Variants in ATP2B2 observed in about 807,000 individuals in gnomAD.
The protein encoded by ATP2B2 is plasma membrane calcium-transporting ATPase 2.
In ATP2B2, 15 loss-of-function variants were observed where a neutral mutation model predicts 120.0. The observed-to-expected ratio is 0.12, with a 90% CI of 0.08 to 0.19. The LOEUF is 0.19. ATP2B2 is among the 10% of genes least tolerant of loss of function. The probability of loss-of-function intolerance (pLI) is 1.00; values close to 1 mark genes in which losing one functional copy is unlikely to be tolerated. For missense variants in ATP2B2, 1,045 were observed against 1,719.8 expected (o/e 0.61, Z 6.94); for synonymous variants, 694 against 700.3 (o/e 0.99, Z 0.14).
intron 1 of ATP2B2, among the ~76,000 whole-genome samples, chr3:10,642,169 T>C (rs2070191792): frequency 1.3e-5 from 2 of 152,244 alleles, no homozygotes; most frequent in African/African-American, 4.8e-5. Context: ...CCAGGTTGTA[T>C]AAACTTGGGC....
At chr3:10,601,798 C>A (rs2068929344) in intron 2 of ATP2B2, among the ~76,000 whole-genome samples, 1 of 152,176 alleles carries the variant, frequency 6.6e-6, no homozygotes, top group Admixed American at 6.5e-5. Context: ...GGGCAGGGCC[C>A]AAATGGAGGC....
intron 1 of ATP2B2, among the ~76,000 whole-genome samples, chr3:10,694,220 A>G (rs2071709358): frequency 6.6e-6 from 1 of 152,106 alleles, no homozygotes; most frequent in Non-Finnish European, 1.5e-5. Flanking sequence ...GCTCCATGCA[A>G]TTTTATCACA....
chr3:10,590,387 T>C (rs2068615104), intron 2 of ATP2B2, among the ~76,000 whole-genome samples: 1 of 152,248 alleles, frequency 6.6e-6, no homozygotes, highest in Admixed American at 6.5e-5. Flanking sequence ...CACAGACCTG[T>C]ACGCTAAAAG....
chr3:10,451,271 T>TGGTG (rs1194419963), intron 1 of ATP2B2, among the ~76,000 whole-genome samples: 1 of 152,150 alleles, frequency 6.6e-6, no homozygotes, highest in Non-Finnish European at 1.5e-5. Flanking sequence ...CGAAGAGCCC[T>TGGTG]GGTGGGTGGG....
At chr3:10,575,042 C>A (rs1453563295) in intron 2 of ATP2B2, among the ~76,000 whole-genome samples, 11 of 152,190 alleles carry the variant, frequency 7.2e-5, no homozygotes, top group African/African-American at 1.7e-4. Flanking sequence ...CCTGAGTAAA[C>A]CCTGGTATTT....
intron 2 of ATP2B2, among the ~76,000 whole-genome samples, chr3:10,609,442 C>T (rs547695379): frequency 1.1e-4 from 16 of 152,350 alleles, no homozygotes; most frequent in African/African-American, 2.2e-4. Flanking sequence ...CTCCTCGGCG[C>T]GCCTGGCTGA....
chr3:10,674,398 T>C (rs1293053204), intron 1 of ATP2B2, among the ~76,000 whole-genome samples: 1 of 152,190 alleles, frequency 6.6e-6, no homozygotes, highest in African/African-American at 2.4e-5. Flanking sequence ...TTCAAATATG[T>C]GAGCCAATAA....
At chr3:10,577,244 G>C (rs2068275042) in intron 2 of ATP2B2, among the ~76,000 whole-genome samples, 7 of 152,264 alleles carry the variant, frequency 4.6e-5, no homozygotes, top group Middle Eastern at 6.8e-3. Context: ...TAGGCTGGGA[G>C]GCCAACAGGT....
intron 1 of ATP2B2, among the ~76,000 whole-genome samples, chr3:10,658,233 T>C (rs1158194513): frequency 6.6e-6 from 1 of 152,208 alleles, no homozygotes; most frequent in Non-Finnish European, 1.5e-5. Context: ...CAATGCAACA[T>C]AGCTGGACGG....
intron 1 of ATP2B2, among the ~76,000 whole-genome samples, chr3:10,456,213 A>T (rs1468031959): frequency 1.3e-5 from 2 of 152,262 alleles, no homozygotes; most frequent in African/African-American, 4.8e-5. Context: ...TAACTGAAGG[A>T]TGGTAGCTGG....
chr3:10,429,044 G>A (rs969061820), intron 2 of ATP2B2, among the ~76,000 whole-genome samples: 5 of 152,190 alleles, frequency 3.3e-5, no homozygotes, highest in African/African-American at 4.8e-5. Flanking sequence ...GCAGCCTCCT[G>A]TTGTCCAGCC....
At chr3:10,555,772 A>G (rs1328414202) in intron 2 of ATP2B2, among the ~76,000 whole-genome samples, 1 of 152,166 alleles carries the variant, frequency 6.6e-6, no homozygotes, top group Non-Finnish European at 1.5e-5. Flanking sequence ...ATGCAGCAAA[A>G]GGCAGTGGCT....
intron 2 of ATP2B2, among the ~76,000 whole-genome samples, chr3:10,591,898 C>T (rs2068652892): frequency 6.6e-6 from 1 of 152,132 alleles, no homozygotes; most frequent in Non-Finnish European, 1.5e-5. Context: ...TCAGGGCAGA[C>T]CACAGGGACT....
At chr3:10,691,215 C>T (rs2071656231) in intron 1 of ATP2B2, among the ~76,000 whole-genome samples, 1 of 152,162 alleles carries the variant, frequency 6.6e-6, no homozygotes, top group African/African-American at 2.4e-5. Flanking sequence ...GTCTTGTCTG[C>T]AATATGGGGA....
rs189571370 is a variant in ATP2B2, at chr3:10,332,100, C to G, written c.3421-2975G>C. Reference sequence around the variant, plus strand: ...GAGGTCTAGGGTTCCCCCCACAAAGCAAGCCATTTTCTCGCCAACCCAAGG... The same window carrying G: ...GAGGTCTAGGGTTCCCCCCACAAAGGAAGCCATTTTCTCGCCAACCCAAGG... On this transcript the variant is annotated intron_variant, in intron 22 of 22. Coordinates refer to ENST00000360273, the MANE Select transcript of ATP2B2 (RefSeq NM_001001331.4). The G allele has an allele frequency of 6.2e-5, 90 of 1,463,262 alleles. 1 individual carries two copies. The Admixed American group carries it at 1.1e-3, about 19-fold the overall frequency. 90.6% of individuals were successfully genotyped at this position (1,463,262 alleles called of 1,614,324 possible).
intron 2 of ATP2B2, among the ~76,000 whole-genome samples, chr3:10,448,940 G>T (rs1199133748): frequency 1.3e-5 from 2 of 152,220 alleles, no homozygotes; most frequent in Non-Finnish European, 2.9e-5. Context: ...AGCGGGGAAA[G>T]CAAAAGCCCC....
chr3:10,467,380 G>A (rs2064792453), intron 1 of ATP2B2, among the ~76,000 whole-genome samples: 1 of 152,148 alleles, frequency 6.6e-6, no homozygotes, highest in Admixed American at 6.5e-5. Context: ...CCGCTCCAGG[G>A]GCCCCTTCCT....
chr3:10,706,002 G>C (rs1011168889), intron 1 of ATP2B2, among the ~76,000 whole-genome samples: 4 of 152,210 alleles, frequency 2.6e-5, no homozygotes, highest in Admixed American at 2.6e-4. Flanking sequence ...AAACAGTGCT[G>C]AGCACATATT....
intron 1 of ATP2B2, among the ~76,000 whole-genome samples, chr3:10,699,086 C>G (rs2071781465): frequency 1.3e-5 from 2 of 152,220 alleles, no homozygotes; most frequent in Non-Finnish European, 2.9e-5. Flanking sequence ...ACCTATTCAT[C>G]TTTCTTCTGT....
Sources: gnomAD v4.1 joint callset for allele counts (sites outside exome capture counted in the v4.1 genomes callset) on GRCh38, gnomAD v4.1.1 for gene constraint, MANE v1.5 for transcripts, NCBI Gene and HGNC (gene_info 2026-07-23, HGNC 2026-07-21) for gene names.